The following ZNF385D variants were observed in gnomAD, a reference collection of about 807,000 sequenced individuals.
ZNF385D encodes the protein zinc finger protein 385D, also known as zinc finger protein 659.
Under a neutral mutation model 35.8 loss-of-function variants are expected in ZNF385D, and 15 were observed. The ratio of observed to expected loss-of-function variants is 0.42; its 90% confidence interval spans 0.28 to 0.64. The LOEUF (loss-of-function observed/expected upper bound fraction) is 0.64. Among genes scored for constraint, ZNF385D ranks in the 30% least tolerant of loss-of-function variants. ZNF385D has a pLI of 0.23. For synonymous variants in ZNF385D, 212 were observed against 186.8 expected, an observed-to-expected ratio of 1.13 and a Z score of -1.10; for missense variants, 474 against 494.6, an observed-to-expected ratio of 0.96 and a Z score of 0.39.
intron 4 of ZNF385D, among the ~76,000 whole-genome samples, chr3:21,445,110 T>G (rs757578426): frequency 3.9e-4 from 59 of 152,212 alleles, no homozygotes; most frequent in Non-Finnish European, 6.9e-4. Context: ...AGCTGAGACC[T>G]ACTTTATATC....
At chr3:21,582,223 C>G (rs2063687728) in intron 2 of ZNF385D, among the ~76,000 whole-genome samples, 1 of 152,138 alleles carries the variant, frequency 6.6e-6, no homozygotes, top group East Asian at 1.9e-4. Context: ...AAACAAACTT[C>G]TGAACTCAAT....
chr3:22,195,543 A>C (rs2125233112), intron 2 of ZNF385D, among the ~76,000 whole-genome samples: 1 of 152,134 alleles, frequency 6.6e-6, no homozygotes, highest in East Asian at 1.9e-4. Context: ...TTCTACTAAA[A>C]GTTTTATAGT....
In ZNF385D at chr3:22,267,806, A is replaced by C. The variant is rs568258230; in HGVS notation, c.107-98771T>G. Among the ~76,000 whole-genome samples, 3 of 152,110 alleles carry C rather than the reference A, an allele frequency of 2.0e-5. No homozygotes were observed. The South Asian group carries it at 6.2e-4, about 31-fold the overall frequency. Reference sequence around the variant, plus strand: ...AGCAAATCAAGCTCTCAGTAATTAAAGTATTACCAATATACTCAATGTACA... The same window carrying C: ...AGCAAATCAAGCTCTCAGTAATTAACGTATTACCAATATACTCAATGTACA... On this transcript the variant is annotated intron_variant, in intron 2 of 5. Coordinates refer to the ZNF385D transcript ENST00000494108.
chr3:22,328,823 C>T (rs1575129163), intron 2 of ZNF385D, among the ~76,000 whole-genome samples: 2 of 151,636 alleles, frequency 1.3e-5, no homozygotes, highest in African/African-American at 4.8e-5. Context: ...CGCCTGTAAT[C>T]CCAGCACTTT....
At position 22,198,002 on chromosome 3, in the gene ZNF385D, T is replaced by G. The variant is rs1024251740; in HGVS notation, c.107-28967A>C. 2.0e-5 allele frequency among the ~76,000 whole-genome samples: 3 copies of G among 152,198 alleles called. No homozygotes were observed. In the East Asian group the frequency reaches 5.8e-4, roughly 29 times the overall value. ...TTAGAAGGCGATGTCCCCTTTTACT[T>G]TCTACCCTATATATCTGTGTATTGC... On this transcript the variant is annotated intron_variant, in intron 2 of 5. Transcript: ENST00000494108.
chr3:22,078,402 C>G (rs762739675), intron 3 of ZNF385D, among the ~76,000 whole-genome samples: 6 of 152,024 alleles, frequency 3.9e-5, no homozygotes, highest in Non-Finnish European at 8.8e-5. Context: ...TCCAACCATG[C>G]AGTGCTACCA....
chr3:22,361,931 A>G (rs1001238961), intron 2 of ZNF385D, among the ~76,000 whole-genome samples: 3 of 152,014 alleles, frequency 2.0e-5, no homozygotes, highest in Admixed American at 6.6e-5. Flanking sequence ...AGTTTTTAGT[A>G]TATGAACTAG....
chr3:22,235,669 A>G (rs1329256071), intron 2 of ZNF385D, among the ~76,000 whole-genome samples: 6 of 152,262 alleles, frequency 3.9e-5, no homozygotes, highest in Middle Eastern at 3.4e-3. Context: ...AATATGCTCA[A>G]GTATATTTGG....
intron 3 of ZNF385D, among the ~76,000 whole-genome samples, chr3:21,895,133 G>C (rs2125888032): frequency 6.6e-6 from 1 of 152,066 alleles, no homozygotes; most frequent in South Asian, 2.1e-4. Context: ...CCAAAACCCA[G>C]ATTAAAAATA....
At chr3:21,545,179 C>G (rs1474866604) in intron 3 of ZNF385D, among the ~76,000 whole-genome samples, 2 of 152,176 alleles carry the variant, frequency 1.3e-5, no homozygotes, top group Non-Finnish European at 2.9e-5. Context: ...TTGCTATTCA[C>G]AGACAATTTT....
intron 3 of ZNF385D, among the ~76,000 whole-genome samples, chr3:21,796,419 G>A (rs537260742): frequency 7.9e-5 from 12 of 152,044 alleles, no homozygotes; most frequent in Non-Finnish European, 1.3e-4. Flanking sequence ...CCAAAAATGC[G>A]TAAAAAATTA....
At chr3:21,678,091 C>T (rs1013803697) in intron 1 of ZNF385D, among the ~76,000 whole-genome samples, 6 of 151,952 alleles carry the variant, frequency 3.9e-5, no homozygotes, top group African/African-American at 1.4e-4. Flanking sequence ...TTGCTATCCC[C>T]GACACAAACC....
chr3:22,290,349 T>C lies in ZNF385D; in HGVS notation c.106+82101A>G, dbSNP rs144697887. Among the ~76,000 whole-genome samples the C allele has an allele frequency of 2.7e-3, 411 of 152,226 alleles. 1 individual carries two copies. The Middle Eastern group carries it at 0.027, about 10-fold the overall frequency. ...CAAAAGCCTCCCAAGGAGCTAATTG[T>C]CCACCTTCAGGAGGGGTGCAGACTG... is the stretch of plus-strand genomic sequence containing the variant. On this transcript the variant is annotated intron_variant, in intron 2 of 5. Coordinates refer to the ZNF385D transcript ENST00000494108.
At chr3:21,504,212 A>G (rs1479170207) in intron 4 of ZNF385D, among the ~76,000 whole-genome samples, 1 of 152,166 alleles carries the variant, frequency 6.6e-6, no homozygotes, top group African/African-American at 2.4e-5. Flanking sequence ...AAGGGCCATT[A>G]GAAATGTCAA....
intron 3 of ZNF385D, among the ~76,000 whole-genome samples, chr3:22,039,806 T>A (rs1276046624): frequency 1.3e-5 from 2 of 152,090 alleles, no homozygotes; most frequent in East Asian, 3.9e-4. Flanking sequence ...TTCCTGGATG[T>A]CTTTCTTCTC....
chr3:21,556,068 G>GTTTTTTTTTTTTTTTTTTTTTTT (rs148079775), intron 3 of ZNF385D, among the ~76,000 whole-genome samples: 1 of 99,020 alleles, frequency 1.0e-5, no homozygotes, highest in African/African-American at 4.0e-5. Flanking sequence ...TTTTGTTTTT[G>GTTTTTTTTTTTTTTTTTTTTTTT]TTTTTTTTTT....
In ZNF385D at chr3:21,811,204, T is replaced by G. The variant is rs986014471; in HGVS notation, c.326-146176A>C. 2.5e-3 allele frequency among the ~76,000 whole-genome samples: 375 copies of G among 152,252 alleles called. 2 individuals carry two copies. The highest frequency in any genetic ancestry group is 8.5e-3 in the African/African-American group (355 of 41,566). On this transcript the variant is annotated intron_variant, in intron 3 of 5. Transcript: ENST00000494108. The stretch of plus-strand genomic sequence containing the variant: ...TTAGCATGAATCCTATTTCTTAGCT[T>G]ATTCTATTAGAAATTCTATAAGCAA...
At chr3:22,145,036 G>GTGTGTC (rs1487289035) in intron 3 of ZNF385D, among the ~76,000 whole-genome samples, 1 of 151,666 alleles carries the variant, frequency 6.6e-6, no homozygotes, top group Non-Finnish European at 1.5e-5. Context: ...GTGTGTGTGT[G>GTGTGTC]TGTAGTCACA....
At chr3:22,155,309 T>A (rs988918487) in intron 3 of ZNF385D, among the ~76,000 whole-genome samples, 2 of 152,090 alleles carry the variant, frequency 1.3e-5, no homozygotes, top group African/African-American at 4.8e-5. Flanking sequence ...CCGCTTTGAT[T>A]TTTTTTCCAT....
Sources: allele counts gnomAD v4.1 joint callset (sites outside exome capture counted in the v4.1 genomes callset), GRCh38; gene constraint gnomAD v4.1.1; transcripts MANE v1.5; gene names NCBI Gene and HGNC (gene_info 2026-07-23, HGNC 2026-07-21).